Variants in SLC5A4 observed in about 807,000 individuals in gnomAD.
SLC5A4 encodes the protein solute carrier family 5 member 4, also known as probable glucose sensor protein SLC5A4.
SLC5A4 carries 55 observed loss-of-function variants against 70.3 expected under a neutral mutation model. The observed-to-expected ratio is 0.78, with a 90% confidence interval of 0.63 to 0.98. SLC5A4 has a LOEUF of 0.98. Ranked by LOEUF, SLC5A4 falls within the 50% of genes least tolerant of loss-of-function variation. The pLI, the probability that SLC5A4 is intolerant of heterozygous loss-of-function variation, is 0.00. For missense variants in SLC5A4, 735 were observed against 839.2 expected (o/e 0.88, Z 1.53); for synonymous variants, 268 against 305.7 (o/e 0.88, Z 1.29).
intron 5 of SLC5A4, among the ~76,000 whole-genome samples, chr22:32,243,167 G>A (rs1053282529): frequency 6.6e-6 from 1 of 152,188 alleles, no homozygotes; most frequent in Admixed American, 6.5e-5. Context: ...CACTTATGCA[G>A]TATTCCAGCC....
chr22:32,329,624 T>G, the SLC5A4 span, among the ~76,000 whole-genome samples: 1 of 84,674 alleles, frequency 1.2e-5, no homozygotes, highest in Non-Finnish European at 2.2e-5. Context: ...CTCTGGTGTG[T>G]GTGTTGGAGG....
chr22:32,299,771 C>T, the SLC5A4 span, among the ~76,000 whole-genome samples: 1,407 of 122,294 alleles, frequency 0.012, 18 homozygotes, highest in African/African-American at 0.041. Context: ...CTGTTTTTTC[C>T]CCATCTTTAT....
the SLC5A4 span, among the ~76,000 whole-genome samples, chr22:32,304,299 TGG>T: frequency 4.6e-5 from 7 of 151,622 alleles, no homozygotes; most frequent in African/African-American, 1.2e-4. Flanking sequence ...GCTATTTTTG[TGG>T]GGTTTTTTTC....
chr22:32,244,366 A>G (rs1167779525), intron 5 of SLC5A4, among the ~76,000 whole-genome samples: 1 of 152,202 alleles, frequency 6.6e-6, no homozygotes, highest in African/African-American at 2.4e-5. Context: ...AGGGGCGAGT[A>G]TTACACCACA....
chr22:32,294,200 A>G, the SLC5A4 span, among the ~76,000 whole-genome samples: 4 of 152,178 alleles, frequency 2.6e-5, no homozygotes, highest in Non-Finnish European at 5.9e-5. Flanking sequence ...TGTATTTGTT[A>G]CATATCTCCT....
chr22:32,287,628 C>A, the SLC5A4 span, among the ~76,000 whole-genome samples: 1 of 149,430 alleles, frequency 6.7e-6, no homozygotes, highest in East Asian at 2.0e-4. Flanking sequence ...CCCTCAATTT[C>A]TTTTTGTTTC....
At chr22:32,238,077 A>C (rs1926166005) in intron 6 of SLC5A4, among the ~76,000 whole-genome samples, 1 of 152,120 alleles carries the variant, frequency 6.6e-6, no homozygotes, top group Non-Finnish European at 1.5e-5. Flanking sequence ...GGTAACAGGA[A>C]CTGTTGGAAG....
At chr22:32,308,415 C>T in the SLC5A4 span, among the ~76,000 whole-genome samples, 3 of 152,254 alleles carry the variant, frequency 2.0e-5, no homozygotes, top group South Asian at 2.1e-4. Flanking sequence ...AAGGGCCTGG[C>T]GCCACCAGGC....
the SLC5A4 span, among the ~76,000 whole-genome samples, chr22:32,330,545 GTGTGTATGTTTTGGGCTC>G: frequency 3.0e-5 from 4 of 134,700 alleles, no homozygotes; most frequent in Non-Finnish European, 4.8e-5. Context: ...GGGGGCTCTG[GTGTGTATGTTTTGGGCTC>G]TGTGTGTGTT....
the SLC5A4 span, among the ~76,000 whole-genome samples, chr22:32,337,156 G>A: frequency 6.6e-6 from 1 of 152,176 alleles, no homozygotes; most frequent in Admixed American, 6.5e-5. Flanking sequence ...CTGATGAATT[G>A]GCCTCCCAGG....
At chr22:32,271,041 T>C in the SLC5A4 span, 4 of 564,814 alleles carry the variant, frequency 7.1e-6, no homozygotes, top group Middle Eastern at 4.4e-4. Context: ...GAGGAAATGC[T>C]GTGTGGGGAT....
chr22:32,298,498 A>G, the SLC5A4 span, among the ~76,000 whole-genome samples: 1 of 95,368 alleles, frequency 1.0e-5, no homozygotes, highest in Admixed American at 1.2e-4. Flanking sequence ...TTTGTTTTCC[A>G]TTGGCTTGGT....
chr22:32,248,801 G>T lies in SLC5A4; in HGVS notation c.314C>A (p.Ser105Tyr). The change falls in exon 4 of 15, where the codon TCC (serine) becomes TAC (tyrosine). Residue 105 changes from serine (S) to tyrosine (Y), a missense_variant and splice_region_variant. Transcript: ENST00000266086. ...GVATVTFEWT[S>Y]SVMLLILGWI... ...CCCAAGAATCAGCAACATTACTGAG[G>T]ACTACAAGGAACCAAAATAAGAGAC... 1.2e-6 allele frequency: 2 copies of T among 1,609,642 alleles called. No individual in the cohort carries two copies. Among genetic ancestry groups the T allele is most frequent in the Non-Finnish European group, 1.7e-6 (2 of 1,175,964 alleles).
the SLC5A4 span, among the ~76,000 whole-genome samples, chr22:32,331,187 TGGG>T: frequency 1.0e-5 from 1 of 98,142 alleles, no homozygotes; most frequent in Non-Finnish European, 2.0e-5. Context: ...GTGTATGTGT[TGGG>T]GGCTCTGGTG....
the SLC5A4 span, among the ~76,000 whole-genome samples, chr22:32,344,163 G>A: frequency 1.3e-5 from 2 of 152,128 alleles, no homozygotes; most frequent in Middle Eastern, 3.2e-3. Context: ...TGGGTTCAAC[G>A]TGTGACATTG....
chr22:32,232,748 C>T, intron 9 of SLC5A4, 151 bp downstream of exon 9: 1 of 886,128 alleles, frequency 1.1e-6, no homozygotes, highest in Non-Finnish European at 1.7e-6. Flanking sequence ...AATTTTCCTG[C>T]CTTTGACCAC....
At chr22:32,310,103 GTCC>G in the SLC5A4 span, among the ~76,000 whole-genome samples, 8 of 151,520 alleles carry the variant, frequency 5.3e-5, no homozygotes, top group Non-Finnish European at 8.8e-5. Context: ...CAGAAGGAAT[GTCC>G]TCCTAGAAGG....
At chr22:32,301,641 C>T in the SLC5A4 span, among the ~76,000 whole-genome samples, 2 of 152,074 alleles carry the variant, frequency 1.3e-5, no homozygotes, top group African/African-American at 4.8e-5. Flanking sequence ...TCCTAGCTAC[C>T]TTATTTGCAA....
At chr22:32,335,788 T>G in the SLC5A4 span, among the ~76,000 whole-genome samples, 1 of 137,428 alleles carries the variant, frequency 7.3e-6, no homozygotes, top group Non-Finnish European at 1.5e-5. Flanking sequence ...GCTGAAGGGG[T>G]CAGGTGACAA....
Sources: gnomAD v4.1 joint callset for allele counts (sites outside exome capture counted in the v4.1 genomes callset) on GRCh38, gnomAD v4.1.1 for gene constraint, MANE v1.5 for transcripts, NCBI Gene and HGNC (gene_info 2026-07-23, HGNC 2026-07-21) for gene names.